The following ALK variants were observed in gnomAD, a reference collection of about 807,000 sequenced individuals.
The protein encoded by ALK is ALK tyrosine kinase receptor.
A neutral mutation model predicts 163.1 loss-of-function variants in ALK; 74 were observed. The observed-to-expected ratio is 0.45, with a 90% CI of 0.38 to 0.55. The LOEUF (loss-of-function observed/expected upper bound fraction) is 0.55. Ranked by LOEUF, ALK falls within the 20% of genes least tolerant of loss-of-function variation. The pLI is 0.00. For missense variants in ALK, 2,063 were observed against 2,105.3 expected (o/e 0.98, Z 0.39); for synonymous variants, 960 against 843.2 (o/e 1.14, Z -2.40).
chr2:29,584,814 T>C (rs1674833432), intron 3 of ALK, among the ~76,000 whole-genome samples: 1 of 152,252 alleles, frequency 6.6e-6, no homozygotes, highest in Admixed American at 6.5e-5. Context: ...TTACAATGAT[T>C]GTTCAGATGC....
At chr2:29,490,316 A>G (rs1671871796) in intron 4 of ALK, among the ~76,000 whole-genome samples, 1 of 152,218 alleles carries the variant, frequency 6.6e-6, no homozygotes. Flanking sequence ...GTGTGTTAAT[A>G]TGCTGTTCTG....
chr2:29,196,922 T>A (rs2148142165), intron 27 of ALK, 62 bp from the exon 28 acceptor site: 2 of 1,419,786 alleles, frequency 1.4e-6, no homozygotes, highest in Non-Finnish European at 2.0e-6. Context: ...ATATATTTTC[T>A]TCCAGCCCCA....
In ALK at chr2:29,206,416, C is replaced by T. The variant is rs567131027; in HGVS notation, c.3938+755G>A. Among the ~76,000 whole-genome samples the T allele has an allele frequency of 1.8e-4, 27 of 152,146 alleles. No individual in the cohort carries two copies. In the South Asian group the frequency reaches 3.1e-3, roughly 18 times the overall value. On this transcript the variant is annotated intron_variant, in intron 26 of 28. Coordinates refer to ENST00000389048, the MANE Select transcript of ALK (RefSeq NM_004304.5). ...CTTCCAGAGTAGCTGGGACCACATG[C>T]GTGCACCACCACACCTGGCTAATTT...
intron 3 of ALK, among the ~76,000 whole-genome samples, chr2:29,562,525 C>T (rs181383257): frequency 1.3e-5 from 2 of 152,256 alleles, no homozygotes; most frequent in African/African-American, 4.8e-5. Flanking sequence ...AGGGCCAGTA[C>T]AGCAGGACAA....
chr2:29,584,465 C>T (rs543699496), intron 3 of ALK, among the ~76,000 whole-genome samples: 42 of 152,336 alleles, frequency 2.8e-4, no homozygotes, highest in Non-Finnish European at 5.7e-4. Context: ...GACTCTCAGA[C>T]AGGCACACAG....
chr2:29,916,168 C>T (rs1222052997), intron 1 of ALK, among the ~76,000 whole-genome samples: 2 of 152,288 alleles, frequency 1.3e-5, no homozygotes, highest in East Asian at 3.9e-4. Context: ...CACCTGACTC[C>T]CCACTCCATT....
At chr2:29,249,755 C>A (rs1164269078) in intron 12 of ALK, among the ~76,000 whole-genome samples, 1 of 152,194 alleles carries the variant, frequency 6.6e-6, no homozygotes, top group East Asian at 1.9e-4. Flanking sequence ...TCCTCCCCGC[C>A]CTGGGCCCCA....
rs145975585 is a variant in ALK at position 29,247,539 on chromosome 2, C to T, written c.2204+3566G>A. 6.0e-3 allele frequency among the ~76,000 whole-genome samples: 909 copies of T among 152,328 alleles called. 6 individuals are homozygous for T. Among genetic ancestry groups the T allele is most frequent in the Non-Finnish European group, 9.4e-3 (642 of 68,024 alleles). ...GCCTGCTGTCTTCTCCTGCCTGCCC[C>T]GCACCCCCTTCCTCTCCCTCTTTCT... On this transcript the variant is annotated intron_variant, in intron 12 of 28. Coordinates refer to ENST00000389048, the MANE Select transcript of ALK (RefSeq NM_004304.5).
chr2:29,332,756 T>C (rs187855421), intron 5 of ALK, among the ~76,000 whole-genome samples: 13 of 152,372 alleles, frequency 8.5e-5, no homozygotes, highest in Non-Finnish European at 1.3e-4. Flanking sequence ...TCCCATCATT[T>C]ATTTAAACAT....
chr2:29,271,846 AG>A (rs1430595798), intron 11 of ALK, among the ~76,000 whole-genome samples: 1 of 152,250 alleles, frequency 6.6e-6, no homozygotes, highest in Non-Finnish European at 1.5e-5. Flanking sequence ...GCTAGAGGCA[AG>A]GCTGTGGTTT....
chr2:29,233,796 C>T, intron 13 of ALK, 100 bp from the exon 14 acceptor site: 1 of 1,528,766 alleles, frequency 6.5e-7, no homozygotes, highest in East Asian at 2.3e-5. Context: ...CTGACTCTCT[C>T]TCAAAAAACT....
rs549004615 is a variant in ALK at position 29,315,134 on chromosome 2, C to A, written c.1647+3170G>T. 2.2e-4 allele frequency among the ~76,000 whole-genome samples: 34 copies of A among 152,222 alleles called. 1 individual carries two copies. The highest frequency in any genetic ancestry group is 7.5e-4 in the African/African-American group (31 of 41,474). On this transcript the variant is annotated intron_variant, in intron 8 of 28. Coordinates refer to ENST00000389048, the MANE Select transcript of ALK (RefSeq NM_004304.5). ...GAGGAACACAAAAAGAAAACCAAAA[C>A]CACAGCGTTCTTTCTTGTTTGTGGC... is the stretch of plus-strand genomic sequence containing the variant.
At chr2:29,469,030 A>G (rs1471858500) in intron 4 of ALK, among the ~76,000 whole-genome samples, 1 of 152,072 alleles carries the variant, frequency 6.6e-6, no homozygotes, top group African/African-American at 2.4e-5. Flanking sequence ...GTGTTCCAAT[A>G]ATGGAACACT....
chr2:29,605,219 G>A lies in ALK; in HGVS notation c.953-73103C>T, dbSNP rs80211420. Among the ~76,000 whole-genome samples the A allele has an allele frequency of 2.2e-4, 33 of 152,312 alleles. No individual in the cohort carries two copies. In the East Asian group the frequency reaches 6.4e-3, roughly 29 times the overall value. On this transcript the variant is annotated intron_variant, in intron 3 of 28. Coordinates refer to ENST00000389048, the MANE Select transcript of ALK (RefSeq NM_004304.5). ...TAAATCCCCTGAATGTGCGGTGCAC[G>A]ATAGGGTTCACGCTTCTATGAGAAT...
chr2:29,641,737 T>C (rs1007537502), intron 3 of ALK, among the ~76,000 whole-genome samples: 9 of 152,182 alleles, frequency 5.9e-5, no homozygotes, highest in Non-Finnish European at 1.2e-4. Context: ...AAATAAATTA[T>C]ATAGATGATC....
chr2:29,864,864 A>T (rs1369343495), intron 1 of ALK, among the ~76,000 whole-genome samples: 2 of 152,228 alleles, frequency 1.3e-5, no homozygotes, highest in East Asian at 3.9e-4. Context: ...TAGACCAGAC[A>T]TGTATAGAAC....
intron 1 of ALK, among the ~76,000 whole-genome samples, chr2:29,848,244 A>G (rs865876281): frequency 1.3e-5 from 2 of 151,388 alleles, no homozygotes; most frequent in African/African-American, 2.4e-5. Context: ...GCAAAAATTG[A>G]TATTTTGAAT....
chr2:29,913,951 C>G (rs1667769281), intron 1 of ALK, among the ~76,000 whole-genome samples: 1 of 152,140 alleles, frequency 6.6e-6, no homozygotes, highest in South Asian at 2.1e-4. Flanking sequence ...TGCCTCTAGA[C>G]CTGGACAGAG....
chr2:29,571,231 A>T (rs1312562931), intron 3 of ALK, among the ~76,000 whole-genome samples: 1 of 152,152 alleles, frequency 6.6e-6, no homozygotes, highest in Non-Finnish European at 1.5e-5. Flanking sequence ...ACCTACAGAG[A>T]GGGGCTCAGC....
Sources: gnomAD v4.1 joint callset for allele counts (sites outside exome capture counted in the v4.1 genomes callset) on GRCh38, gnomAD v4.1.1 for gene constraint, MANE v1.5 for transcripts, NCBI Gene and HGNC (gene_info 2026-07-23, HGNC 2026-07-21) for gene names.